The following PARN variants were observed in gnomAD, a reference collection of about 807,000 sequenced individuals.
PARN encodes the protein poly(A)-specific ribonuclease PARN.
Under a neutral mutation model 102.8 loss-of-function variants are expected in PARN, and 71 were observed. The ratio of observed to expected loss-of-function variants is 0.69; its 90% CI spans 0.57 to 0.84. PARN has a LOEUF of 0.84. PARN is among the 40% of genes least tolerant of loss of function. The pLI is 0.00. For missense variants in PARN, 782 were observed against 760.9 expected, an observed-to-expected ratio of 1.03 and a Z score of -0.33; for synonymous variants, 261 against 252.9, an observed-to-expected ratio of 1.03 and a Z score of -0.30.
chr16:14,597,950 C>G (rs1970626934), intron 12 of PARN, among the ~76,000 whole-genome samples: 1 of 152,154 alleles, frequency 6.6e-6, no homozygotes, highest in East Asian at 1.9e-4. Context: ...TCGAGGCCAG[C>G]CTGGCCAACA....
At chr16:14,529,297 G>A (rs1331081737) in intron 21 of PARN, among the ~76,000 whole-genome samples, 2 of 152,172 alleles carry the variant, frequency 1.3e-5, no homozygotes, top group Non-Finnish European at 2.9e-5. Context: ...TTGCCAGCAC[G>A]ACAGCACCAC....
intron 1 of PARN, 70 bp from the exon 2 acceptor site, chr16:14,629,744 G>A: frequency 1.7e-6 from 2 of 1,149,488 alleles, no homozygotes; most frequent in Non-Finnish European, 2.6e-6. Context: ...GGGAAGGAGG[G>A]CCGAGGAGCT....
intron 21 of PARN, among the ~76,000 whole-genome samples, chr16:14,549,132 ATGT>A (rs1447209109): frequency 1.3e-5 from 2 of 152,284 alleles, no homozygotes; most frequent in Non-Finnish European, 2.9e-5. Context: ...GGCAAAGGAA[ATGT>A]TGTCAGAGGC....
chr16:14,472,046 GTCCT>G (rs1262431431), intron 22 of PARN, among the ~76,000 whole-genome samples: 1 of 152,168 alleles, frequency 6.6e-6, no homozygotes, highest in East Asian at 1.9e-4. Context: ...AAGCAACCGT[GTCCT>G]GACCTACTGG....
intron 21 of PARN, among the ~76,000 whole-genome samples, chr16:14,543,890 G>T (rs758192422): frequency 1.3e-5 from 2 of 152,146 alleles, no homozygotes; most frequent in Non-Finnish European, 2.9e-5. Context: ...AGAGTCAACA[G>T]AAGAAATAAA....
Position 14,584,615 on chromosome 16 carries a change from T to C in PARN, c.1005+134A>G. On this transcript the variant is annotated intron_variant, in intron 15 of 23. Transcript: ENST00000437198. ...AGTTTAATTTTTATAATATACAAAG[T>C]ATAACCAAATGAATAAAGATCTTTA... 6.5e-6 allele frequency: 5 copies of C among 768,176 alleles called. 1 individual carries two copies. In the Middle Eastern group the frequency reaches 9.5e-4, roughly 146 times the overall value. The allele number at this position is 768,176 out of a possible 1,614,324, so 47.6% of individuals were successfully genotyped here.
intron 21 of PARN, among the ~76,000 whole-genome samples, chr16:14,502,267 A>C (rs972141095): frequency 2.0e-5 from 3 of 152,216 alleles, no homozygotes; most frequent in Admixed American, 6.5e-5. Flanking sequence ...ATTACCCTTG[A>C]AACTTCTTTC....
chr16:14,596,557 A>G (rs1235377596), intron 12 of PARN, among the ~76,000 whole-genome samples: 1 of 151,664 alleles, frequency 6.6e-6, no homozygotes, highest in Non-Finnish European at 1.5e-5. Flanking sequence ...ACAACATAGG[A>G]AGACCCCTTC....
chr16:14,451,560 G>A (rs1961446809), intron 22 of PARN, among the ~76,000 whole-genome samples: 1 of 152,140 alleles, frequency 6.6e-6, no homozygotes, highest in South Asian at 2.1e-4. Context: ...CCATTTACAT[G>A]AAATTCCAGA....
intron 6 of PARN, among the ~76,000 whole-genome samples, chr16:14,616,750 A>C (rs1971927999): frequency 6.6e-6 from 1 of 152,196 alleles, no homozygotes; most frequent in Non-Finnish European, 1.5e-5. Flanking sequence ...CTCAAAAAAA[A>C]AATTAAAAAT....
rs1960672908 is a variant in PARN, at chr16:14,435,947, C to CACAG, written c.*769_*770insCTGT. ...ACACACACACACACACACACACAGA[C>CACAG]ACGTACGCACACACGCTGCCGTACC... On this transcript the variant is annotated 3_prime_UTR_variant, in exon 24 of 24. Transcript: ENST00000437198. 1 of 150,986 alleles carries CACAG rather than the reference C, an allele frequency of 6.6e-6. No individual in the cohort carries two copies. The highest frequency in any genetic ancestry group is 1.9e-4 in the East Asian group (1 of 5,152). The allele number at this position is 150,986 out of a possible 1,614,324, so 9.4% of individuals were successfully genotyped here.
rs529674587 is a variant in PARN, at chr16:14,514,217, C to T, written c.1481-31390G>A. On this transcript the variant is annotated intron_variant, in intron 21 of 23. Coordinates refer to ENST00000437198, the MANE Select transcript of PARN (RefSeq NM_002582.4). ...TTTATTTTTTTGAGATGGAGTTTTG[C>T]TCTGTCACCCAGGCTGGAGTGCAGA... Among the ~76,000 whole-genome samples the T allele has an allele frequency of 3.9e-5, 6 of 152,252 alleles. No homozygotes were observed. In the South Asian group the frequency reaches 6.2e-4, roughly 16 times the overall value.
chr16:14,578,786 T>C (rs1395318244), intron 18 of PARN, among the ~76,000 whole-genome samples: 1 of 152,096 alleles, frequency 6.6e-6, no homozygotes, highest in Non-Finnish European at 1.5e-5. Context: ...AAAAAAATAA[T>C]CACAGAAGGA....
chr16:14,593,384 G>C lies in PARN; in HGVS notation c.841-6C>G, dbSNP rs1343785414. On this transcript the variant is annotated splice_region_variant and splice_polypyrimidine_tract_variant and intron_variant, in intron 12 of 23. Coordinates refer to ENST00000437198, the MANE Select transcript of PARN (RefSeq NM_002582.4). ...TGTCCAATAACAAGTTTTCCCTAAA[G>C]AAAGTCAAGGTTAGAAAAAAGACTT... 1 of 1,494,432 alleles carries C rather than the reference G, an allele frequency of 6.7e-7. No individual in the cohort carries two copies. Among genetic ancestry groups the C allele is most frequent in the Non-Finnish European group, 9.2e-7 (1 of 1,087,824 alleles). 92.6% of individuals were successfully genotyped at this position (1,494,432 alleles called of 1,614,324 possible).
chr16:14,457,821 A>C (rs1961751601), intron 22 of PARN, among the ~76,000 whole-genome samples: 1 of 150,372 alleles, frequency 6.7e-6, no homozygotes, highest in African/African-American at 2.4e-5. Flanking sequence ...AAAAAAAAAA[A>C]AAAAGAGTCT....
chr16:14,524,536 G>C (rs927820650), intron 21 of PARN, among the ~76,000 whole-genome samples: 8 of 152,098 alleles, frequency 5.3e-5, no homozygotes, highest in African/African-American at 1.9e-4. Flanking sequence ...TTCGAAGTGG[G>C]GAAAGACAAG....
At chr16:14,608,402 C>A (rs918652625) in intron 8 of PARN, 83 bp from the exon 9 acceptor site, 4 of 923,062 alleles carry the variant, frequency 4.3e-6, no homozygotes, top group Non-Finnish European at 6.6e-6. Flanking sequence ...AGAAGGATTT[C>A]GCTTTAAAAA....
intron 6 of PARN, among the ~76,000 whole-genome samples, chr16:14,614,102 T>A (rs746259868): frequency 7.3e-5 from 11 of 151,490 alleles, no homozygotes; most frequent in Non-Finnish European, 1.5e-4. Context: ...ATAAAAAACA[T>A]AAAAATTAGC....
chr16:14,563,522 G>GTGTGTA (rs1423811963), intron 18 of PARN, among the ~76,000 whole-genome samples: 72 of 149,266 alleles, frequency 4.8e-4, no homozygotes, highest in East Asian at 3.1e-3. Flanking sequence ...GTGTGTGTGT[G>GTGTGTA]TATATAATTC....
Sources: allele counts gnomAD v4.1 joint callset (sites outside exome capture counted in the v4.1 genomes callset), GRCh38; gene constraint gnomAD v4.1.1; transcripts MANE v1.5; gene names NCBI Gene and HGNC (gene_info 2026-07-23, HGNC 2026-07-21).